Variants in DCLK2 observed in about 807,000 individuals in gnomAD.
DCLK2 encodes serine/threonine-protein kinase DCLK2.
Under a neutral mutation model 78.4 loss-of-function variants are expected in DCLK2, and 31 were observed. The ratio of observed to expected loss-of-function variants is 0.40; its 90% CI spans 0.30 to 0.53. The LOEUF (loss-of-function observed/expected upper bound fraction) is 0.53. Ranked by LOEUF, DCLK2 falls within the 20% of genes least tolerant of loss-of-function variation. The pLI, the probability that DCLK2 is intolerant of heterozygous loss-of-function variation, is 0.61. For missense variants in DCLK2, 872 were observed against 973.7 expected, an observed-to-expected ratio of 0.90 and a Z score of 1.39; for synonymous variants, 407 against 374.9, an observed-to-expected ratio of 1.09 and a Z score of -0.99.
rs79840786 is a variant in DCLK2 at position 150,235,928 on chromosome 4, G to A, written c.1566+3100G>A. Among the ~76,000 whole-genome samples, 641 of 152,304 alleles carry A rather than the reference G, an allele frequency of 4.2e-3. 3 individuals are homozygous for A. Among genetic ancestry groups the A allele is most frequent in the Non-Finnish European group, 5.8e-3 (395 of 68,024 alleles). On this transcript the variant is annotated intron_variant, in intron 10 of 15. Transcript: ENST00000296550. ...TGTGTCAGGGAGCACAGGGGTGGCC[G>A]TTAATGCTGTGAGTTACAGCCTGGT...
chr4:150,201,481 G>C (rs1739448164), intron 4 of DCLK2, among the ~76,000 whole-genome samples: 1 of 152,162 alleles, frequency 6.6e-6, no homozygotes, highest in Admixed American at 6.6e-5. Context: ...TAAAAACTTA[G>C]GGGACTATAT....
intron 5 of DCLK2, 91 bp downstream of exon 5, chr4:150,203,980 A>T: frequency 3.4e-6 from 4 of 1,176,754 alleles, no homozygotes; most frequent in Non-Finnish European, 4.9e-6. Context: ...GCTTGAGTAC[A>T]GTAGCAAATT....
chr4:150,181,494 C>T (rs975247375), intron 2 of DCLK2, among the ~76,000 whole-genome samples: 1 of 152,124 alleles, frequency 6.6e-6, no homozygotes, highest in African/African-American at 2.4e-5. Flanking sequence ...ACCTTTTCAT[C>T]CTATTGATAG....
intron 12 of DCLK2, 96 bp downstream of exon 12, chr4:150,240,572 C>G: frequency 2.1e-6 from 1 of 479,166 alleles, no homozygotes; most frequent in Non-Finnish European, 3.2e-6. Flanking sequence ...ACTGTTTGGT[C>G]ATTAAAAATG....
chr4:150,243,511 A>G (rs1743075091), intron 12 of DCLK2, among the ~76,000 whole-genome samples: 1 of 152,240 alleles, frequency 6.6e-6, no homozygotes, highest in Non-Finnish European at 1.5e-5. Flanking sequence ...TTTGGTATAA[A>G]GTAGATTGTC....
intron 1 of DCLK2, among the ~76,000 whole-genome samples, chr4:150,099,143 A>G (rs183940751): frequency 6.6e-6 from 1 of 152,346 alleles, no homozygotes; most frequent in Admixed American, 6.5e-5. Context: ...AAGAATCCCT[A>G]CAGTACCAAG....
chr4:150,097,672 G>A (rs1037177639), intron 1 of DCLK2, among the ~76,000 whole-genome samples: 1 of 152,166 alleles, frequency 6.6e-6, no homozygotes, highest in Non-Finnish European at 1.5e-5. Context: ...CTGTGCCTCT[G>A]GAAAGAGTCT....
At chr4:150,171,650 G>A (rs1245372227) in intron 2 of DCLK2, among the ~76,000 whole-genome samples, 2 of 152,230 alleles carry the variant, frequency 1.3e-5, no homozygotes, top group Admixed American at 6.5e-5. Context: ...TGGAGAATAT[G>A]AGTTGAACTC....
At chr4:150,094,302 T>C (rs988984575) in intron 1 of DCLK2, among the ~76,000 whole-genome samples, 2 of 152,192 alleles carry the variant, frequency 1.3e-5, no homozygotes, top group Admixed American at 1.3e-4. Flanking sequence ...GCAGATAACA[T>C]GTCTGACAAG....
intron 5 of DCLK2, among the ~76,000 whole-genome samples, chr4:150,206,561 T>C (rs904025393): frequency 6.6e-6 from 1 of 152,302 alleles, no homozygotes; most frequent in Non-Finnish European, 1.5e-5. Context: ...CTTTTTCTTA[T>C]CTGTAAAACA....
chr4:150,236,064 C>G (rs1345115893), intron 10 of DCLK2, among the ~76,000 whole-genome samples: 1 of 152,140 alleles, frequency 6.6e-6, no homozygotes, highest in Non-Finnish European at 1.5e-5. Flanking sequence ...ATTTGAAGTC[C>G]TTCTAAATCA....
intron 15 of DCLK2, among the ~76,000 whole-genome samples, chr4:150,251,859 C>T (rs372131281): frequency 4.0e-5 from 6 of 151,216 alleles, no homozygotes; most frequent in Non-Finnish European, 7.4e-5. Flanking sequence ...TTCTGTCCCC[C>T]GGCTGCGTTT....
chr4:150,252,099 TC>T (rs1279580701), intron 15 of DCLK2, among the ~76,000 whole-genome samples: 9 of 152,122 alleles, frequency 5.9e-5, no homozygotes, highest in Non-Finnish European at 8.8e-5. Flanking sequence ...CCTGAGAAAG[TC>T]AGAGTTGTCA....
At position 150,079,159 on chromosome 4, in the gene DCLK2, C is replaced by T. The variant is rs368256749; in HGVS notation, c.132C>T (p.Leu44=). Residue 44 remains leucine (L), a synonymous_variant, in exon 1 of 16, where the codon CTC becomes CTT. Transcript: ENST00000296550. Reference sequence around the variant, plus strand: ...GCTCGGGCCCCAAGGGGAACGGGCTCATCCCCAGTCCGGCGCACAGTGCCC... The same window carrying T: ...GCTCGGGCCCCAAGGGGAACGGGCTTATCCCCAGTCCGGCGCACAGTGCCC... ...SSSSGPKGNG[L]IPSPAHSAHC... The T allele has an allele frequency of 1.9e-6, 3 of 1,605,738 alleles. No homozygotes were observed. Among genetic ancestry groups the T allele is most frequent in the South Asian group, 2.2e-5 (2 of 89,512 alleles).
At chr4:150,142,396 C>T (rs868540144) in intron 2 of DCLK2, among the ~76,000 whole-genome samples, 7 of 152,138 alleles carry the variant, frequency 4.6e-5, no homozygotes, top group African/African-American at 1.7e-4. Flanking sequence ...GGTTTCTAAA[C>T]CATGGCACCC....
At chr4:150,227,975 T>C (rs1480507813) in intron 8 of DCLK2, among the ~76,000 whole-genome samples, 3 of 152,218 alleles carry the variant, frequency 2.0e-5, no homozygotes, top group Non-Finnish European at 4.4e-5. Context: ...AAATCCATGC[T>C]TCCTTTGGGG....
rs1013237571 is a variant in DCLK2, at chr4:150,189,486, A to G, written c.757-3652A>G. Among the ~76,000 whole-genome samples the G allele has an allele frequency of 3.9e-5, 6 of 152,272 alleles. No individual in the cohort carries two copies. The East Asian group carries it at 9.6e-4, about 24-fold the overall frequency. On this transcript the variant is annotated intron_variant, in intron 2 of 15. Transcript: ENST00000296550. The stretch of plus-strand genomic sequence containing the variant: ...ATGCAAAAGTAGAGGACTTGCACCT[A>G]AATTGCTGGGTTCTCATTTGTTACC...
chr4:150,144,963 G>A (rs913515936), intron 2 of DCLK2, among the ~76,000 whole-genome samples: 1 of 152,172 alleles, frequency 6.6e-6, no homozygotes, highest in Non-Finnish European at 1.5e-5. Flanking sequence ...GCTTTGGGCA[G>A]TATGGTCATT....
At chr4:150,232,974 C>A in intron 10 of DCLK2, 146 bp downstream of exon 10, 2 of 994,456 alleles carry the variant, frequency 2.0e-6, no homozygotes, top group Non-Finnish European at 1.5e-6. Flanking sequence ...ATGTCAATGA[C>A]CATCAAATAC....
Sources: gnomAD v4.1 joint callset for allele counts (sites outside exome capture counted in the v4.1 genomes callset) on GRCh38, gnomAD v4.1.1 for gene constraint, MANE v1.5 for transcripts, NCBI Gene and HGNC (gene_info 2026-07-23, HGNC 2026-07-21) for gene names.